Variants in USP54 observed in about 807,000 individuals in gnomAD.
USP54 encodes ubiquitin carboxyl-terminal hydrolase 54.
Under a neutral mutation model 170.5 loss-of-function variants are expected in USP54, and 87 were observed. The ratio of observed to expected loss-of-function variants is 0.51; its 90% confidence interval spans 0.43 to 0.61. The LOEUF is 0.61. Among genes scored for constraint, USP54 ranks in the 20% least tolerant of loss-of-function variants. The pLI is 0.00. For missense variants in USP54, 1,786 were observed against 2,047.8 expected (o/e 0.87, Z 2.47); for synonymous variants, 655 against 742.8 (o/e 0.88, Z 1.92).
intron 4 of USP54, among the ~76,000 whole-genome samples, chr10:73,563,046 G>C (rs976491315): frequency 6.6e-6 from 1 of 151,958 alleles, no homozygotes; most frequent in Non-Finnish European, 1.5e-5. Context: ...CAATCTCTTG[G>C]GCTCAAGTGA....
upstream of USP54, among the ~76,000 whole-genome samples, chr10:73,596,257 A>G (rs1432847737): frequency 6.6e-6 from 1 of 151,912 alleles, no homozygotes; most frequent in Non-Finnish European, 1.5e-5. Flanking sequence ...CCCCATCTCT[A>G]CTAAAAATAC....
intron 4 of USP54, 140 bp downstream of exon 4, chr10:73,571,281 C>T: frequency 1.5e-6 from 1 of 652,292 alleles, no homozygotes; most frequent in Non-Finnish European, 2.6e-6. Flanking sequence ...GCAAACAAAT[C>T]ATATCCATTT....
At chr10:73,559,360 A>C (rs1023057822) in intron 4 of USP54, among the ~76,000 whole-genome samples, 5 of 152,086 alleles carry the variant, frequency 3.3e-5, no homozygotes, top group Non-Finnish European at 5.9e-5. Context: ...CGGGAGTTCG[A>C]GACTAGCCTG....
Position 73,499,185 on chromosome 10 carries a change from G to T in USP54, c.4499C>A (p.Thr1500Asn). 6.3e-7 allele frequency: 1 copy of T among 1,588,886 alleles called. No homozygotes were observed. Among genetic ancestry groups the T allele is most frequent in the African/African-American group, 1.4e-5 (1 of 73,474 alleles). Residue 1500 changes from threonine to asparagine, a missense_variant, in exon 24 of 24, where the codon ACT becomes AAT. Physicochemically the swap from Thr to Asn is moderately conservative, Grantham distance 65. Around this residue, in one of 3 missense-constraint regions of USP54, gnomAD observed 1,418 missense variants for 1,569.0 expected, o/e 0.90. Coordinates refer to ENST00000687698, the MANE Select transcript of USP54 (RefSeq NM_001391956.1). ...CAGAAACTGCTGGACACTCCTTGAA[G>T]TTCCTGGGGAAAGAAAAGAAACCCA... ...MAGEPNRLPG[T>N]SRSVQQFLAM...
intron 15 of USP54, chr10:73,529,457 T>C (rs2063570389): frequency 1.7e-6 from 1 of 579,358 alleles, no homozygotes; most frequent in Non-Finnish European, 3.1e-6. Context: ...TTTAAAATTA[T>C]TTTATACATG....
At chr10:73,621,632 AAT>A (rs1420671418) in intron 1 of USP54, among the ~76,000 whole-genome samples, 3 of 151,930 alleles carry the variant, frequency 2.0e-5, no homozygotes, top group Non-Finnish European at 4.4e-5. Flanking sequence ...ACTGTATGAA[AAT>A]ATGTTTGACT....
At chr10:73,603,521 C>G (rs2079365832) in intron 1 of USP54, among the ~76,000 whole-genome samples, 1 of 152,114 alleles carries the variant, frequency 6.6e-6, no homozygotes. Context: ...TTGAGACCAG[C>G]TTGGCCAACA....
chr10:73,532,832 G>GA (rs1480959117), intron 12 of USP54, among the ~76,000 whole-genome samples: 2 of 152,116 alleles, frequency 1.3e-5, no homozygotes, highest in Admixed American at 6.5e-5. Context: ...AAAAATAGAG[G>GA]AAAAAACAGT....
chr10:73,530,936 G>A, intron 12 of USP54, 101 bp from the exon 13 acceptor site: 1 of 1,516,348 alleles, frequency 6.6e-7, no homozygotes. Flanking sequence ...CAAATTTAGA[G>A]TACCCATGGA....
intron 1 of USP54, among the ~76,000 whole-genome samples, chr10:73,624,159 C>CAT (rs58238181): frequency 0.091 from 6,308 of 69,478 alleles, 379 homozygotes; most frequent in Admixed American, 0.098. Flanking sequence ...TTTTAAAAGC[C>CAT]ATATATATAT....
chr10:73,590,225 T>C (rs1263385946), intron 1 of USP54, among the ~76,000 whole-genome samples: 1 of 152,198 alleles, frequency 6.6e-6, no homozygotes, highest in Non-Finnish European at 1.5e-5. Flanking sequence ...CCTGGCCAGG[T>C]TGTACTGGGA....
chr10:73,534,848 A>C, intron 11 of USP54, 78 bp from the exon 12 acceptor site: 1 of 1,409,520 alleles, frequency 7.1e-7, no homozygotes, highest in Non-Finnish European at 9.8e-7. Context: ...AGATGGACAC[A>C]ACAAAGCTCC....
chr10:73,499,903 A>T (rs1174298506), intron 23 of USP54: 1 of 152,180 alleles, frequency 6.6e-6, no homozygotes, highest in African/African-American at 2.4e-5. Flanking sequence ...GTGATTTATT[A>T]ATGAAAAATA....
intron 1 of USP54, among the ~76,000 whole-genome samples, chr10:73,620,757 GT>G (rs2081027829): frequency 6.6e-6 from 1 of 150,462 alleles, no homozygotes; most frequent in Non-Finnish European, 1.5e-5. Flanking sequence ...GCCCAACATG[GT>G]GAAACCCTGT....
intron 1 of USP54, among the ~76,000 whole-genome samples, chr10:73,621,563 G>T (rs1289403584): frequency 1.5e-5 from 2 of 137,274 alleles, no homozygotes; most frequent in East Asian, 5.0e-4. Flanking sequence ...TTGCGCCACT[G>T]TACTCCAGCC....
intron 19 of USP54, chr10:73,518,314 T>G: frequency 2.3e-6 from 2 of 888,638 alleles, no homozygotes; most frequent in Non-Finnish European, 1.3e-6. Flanking sequence ...TAATCTGGAT[T>G]TTGTTCTATT....
chr10:73,554,215 G>C (rs1385125346), intron 4 of USP54, among the ~76,000 whole-genome samples: 2 of 152,170 alleles, frequency 1.3e-5, no homozygotes, highest in Non-Finnish European at 2.9e-5. Context: ...TTGAGCTCAA[G>C]GTCTTTGGAA....
chr10:73,552,569 T>C (rs2069736604), intron 4 of USP54, among the ~76,000 whole-genome samples: 1 of 152,040 alleles, frequency 6.6e-6, no homozygotes, highest in South Asian at 2.1e-4. Context: ...GTCGGGAGGA[T>C]TACCTAAGGT....
chr10:73,517,285 C>T lies in USP54; in HGVS notation c.3141G>A (p.Arg1047=), dbSNP rs2061214883. ...PVMPGIATSE[R]GDEHSLGCSP... is the part of the protein sequence containing the mutation. ...TACAGCCTAGGCTGTGTTCATCACC[C>T]CTCTCAGAGGTGGCTATTCCAGGCA... Residue 1047 remains arginine (R), a synonymous_variant, in exon 20 of 24, where the codon AGG becomes AGA. Transcript: ENST00000687698. 6.2e-7 allele frequency: 1 copy of T among 1,613,368 alleles called. No individual in the cohort carries two copies. The highest frequency in any genetic ancestry group is 8.5e-7 in the Non-Finnish European group (1 of 1,179,678).
Sources: gnomAD v4.1 joint callset for allele counts (sites outside exome capture counted in the v4.1 genomes callset) on GRCh38, gnomAD v4.1.1 for gene constraint, gnomAD v4.1.1 regional missense constraint, MANE v1.5 for transcripts, NCBI Gene and HGNC (gene_info 2026-07-23, HGNC 2026-07-21) for gene names.